The following TMEM132C variants were observed in gnomAD, a reference collection of about 807,000 sequenced individuals.
TMEM132C encodes the protein transmembrane protein 132C.
A neutral mutation model predicts 61.4 loss-of-function variants in TMEM132C; 29 were observed. The ratio of observed to expected loss-of-function variants is 0.47; its 90% CI spans 0.35 to 0.64. TMEM132C has a LOEUF of 0.64. Among genes scored for constraint, TMEM132C ranks in the 30% least tolerant of loss-of-function variants. TMEM132C has a pLI of 0.00. For missense variants in TMEM132C, 1,408 were observed against 1,476.9 expected (o/e 0.95, Z 0.76); for synonymous variants, 656 against 633.1 (o/e 1.04, Z -0.54).
At chr12:128,524,410 A>G (rs1165093796) in intron 2 of TMEM132C, among the ~76,000 whole-genome samples, 1 of 152,230 alleles carries the variant, frequency 6.6e-6, no homozygotes, top group Non-Finnish European at 1.5e-5. Flanking sequence ...GCTTTTCTGC[A>G]GAGAGCCCTT....
At chr12:128,358,507 G>GTGTGTA (rs2135969476) in intron 1 of TMEM132C, among the ~76,000 whole-genome samples, 1 of 151,884 alleles carries the variant, frequency 6.6e-6, no homozygotes, top group African/African-American at 2.4e-5. Flanking sequence ...GTGTGTGTGT[G>GTGTGTA]TGTGTGTGTG....
intron 2 of TMEM132C, among the ~76,000 whole-genome samples, chr12:128,531,806 G>T (rs981360511): frequency 2.7e-5 from 4 of 146,104 alleles, no homozygotes; most frequent in South Asian, 2.1e-4. Flanking sequence ...TCAGGAGTCT[G>T]GGTCTTAGCC....
At chr12:128,521,918 T>C (rs1872918500) in intron 2 of TMEM132C, among the ~76,000 whole-genome samples, 1 of 152,222 alleles carries the variant, frequency 6.6e-6, no homozygotes, top group African/African-American at 2.4e-5. Flanking sequence ...CCTGTACTGC[T>C]TGGCCAGGGA....
intron 2 of TMEM132C, among the ~76,000 whole-genome samples, chr12:128,467,045 G>A (rs528403178): frequency 6.6e-6 from 1 of 152,308 alleles, no homozygotes; most frequent in African/African-American, 2.4e-5. Flanking sequence ...AAGGTCAGAA[G>A]ATGTGAGGCA....
chr12:128,585,100 C>G (rs901743738), intron 3 of TMEM132C, among the ~76,000 whole-genome samples: 1 of 152,250 alleles, frequency 6.6e-6, no homozygotes, highest in African/African-American at 2.4e-5. Flanking sequence ...ACCGTCTTCA[C>G]ACTTGCAGCC....
chr12:128,622,756 T>C (rs1376058767), intron 4 of TMEM132C, among the ~76,000 whole-genome samples: 1 of 152,030 alleles, frequency 6.6e-6, no homozygotes, highest in Non-Finnish European at 1.5e-5. Flanking sequence ...GGAGATCTCC[T>C]TTGACAGGGA....
intron 1 of TMEM132C, among the ~76,000 whole-genome samples, chr12:128,384,035 C>T (rs1387438469): frequency 6.6e-6 from 1 of 152,124 alleles, no homozygotes; most frequent in Non-Finnish European, 1.5e-5. Flanking sequence ...CAAACAGCTC[C>T]ACTACCACCA....
chr12:128,418,975 C>T (rs1230105568), intron 2 of TMEM132C, among the ~76,000 whole-genome samples: 4 of 152,092 alleles, frequency 2.6e-5, no homozygotes, highest in Non-Finnish European at 5.9e-5. Context: ...CCCCTAGATA[C>T]GTTGTGTGTT....
At chr12:128,638,565 C>T (rs207473512) in intron 4 of TMEM132C, among the ~76,000 whole-genome samples, 6 of 152,238 alleles carry the variant, frequency 3.9e-5, no homozygotes, top group African/African-American at 7.2e-5. Flanking sequence ...CTTCATTTTA[C>T]GGGTGAGGGC....
At chr12:128,581,420 A>C (rs1873934644) in intron 3 of TMEM132C, among the ~76,000 whole-genome samples, 1 of 152,056 alleles carries the variant, frequency 6.6e-6, no homozygotes, top group African/African-American at 2.4e-5. Flanking sequence ...GAGGGGAAAC[A>C]CCCTTTATTG....
intron 1 of TMEM132C, among the ~76,000 whole-genome samples, chr12:128,394,235 A>C (rs561741680): frequency 6.6e-6 from 1 of 152,160 alleles, no homozygotes; most frequent in Admixed American, 6.5e-5. Context: ...CCATGCTTCA[A>C]TTATCTCCCG....
chr12:128,389,046 A>G (rs1277801221), intron 1 of TMEM132C, among the ~76,000 whole-genome samples: 1 of 146,236 alleles, frequency 6.8e-6, no homozygotes, highest in Non-Finnish European at 1.5e-5. Context: ...TGGGAGAGAC[A>G]AAGACCAGAG....
rs990179177 is a variant in TMEM132C, at chr12:128,374,067, G to A, written c.86-40665G>A. Among the ~76,000 whole-genome samples the A allele has an allele frequency of 4.6e-5, 7 of 152,294 alleles. No homozygotes were observed. The South Asian group carries it at 8.3e-4, about 18-fold the overall frequency. On this transcript the variant is annotated intron_variant, in intron 1 of 8. Coordinates refer to ENST00000435159, the MANE Select transcript of TMEM132C (RefSeq NM_001136103.3). The stretch of plus-strand genomic sequence containing the variant: ...TTGAATGGGGATAATAAGAGTCCCT[G>A]CTCCATGCTGTGTAAGACACGATGA...
chr12:128,357,718 A>G (rs1319625190), intron 1 of TMEM132C, among the ~76,000 whole-genome samples: 2 of 150,764 alleles, frequency 1.3e-5, no homozygotes, highest in African/African-American at 2.4e-5. Flanking sequence ...AAAGAAAAAG[A>G]AGGAGCCCAA....
intron 2 of TMEM132C, among the ~76,000 whole-genome samples, chr12:128,418,237 C>T (rs997455832): frequency 6.6e-6 from 1 of 152,192 alleles, no homozygotes; most frequent in African/African-American, 2.4e-5. Flanking sequence ...GTGTCTCAGG[C>T]GTGTCGGAAT....
chr12:128,590,156 G>C (rs923764685), intron 3 of TMEM132C, among the ~76,000 whole-genome samples: 2 of 152,230 alleles, frequency 1.3e-5, no homozygotes, highest in Non-Finnish European at 2.9e-5. Flanking sequence ...ACAGGCTGAA[G>C]CACACGTGTA....
At chr12:128,565,240 A>G (rs540191175) in intron 3 of TMEM132C, among the ~76,000 whole-genome samples, 8 of 152,302 alleles carry the variant, frequency 5.3e-5, no homozygotes, top group African/African-American at 1.9e-4. Flanking sequence ...CAACAACGAC[A>G]TGATCTTGGA....
chr12:128,492,052 C>T (rs1871752611), intron 2 of TMEM132C, among the ~76,000 whole-genome samples: 1 of 152,084 alleles, frequency 6.6e-6, no homozygotes, highest in Non-Finnish European at 1.5e-5. Context: ...TTCCTGTGTC[C>T]AAGCATTCTC....
intron 1 of TMEM132C, among the ~76,000 whole-genome samples, chr12:128,303,290 G>A (rs1311418883): frequency 6.6e-6 from 1 of 152,166 alleles, no homozygotes; most frequent in African/African-American, 2.4e-5. Flanking sequence ...CCAAATTTTA[G>A]TGTCTTCAGC....
Sources: gnomAD v4.1 joint callset for allele counts (sites outside exome capture counted in the v4.1 genomes callset) on GRCh38, gnomAD v4.1.1 for gene constraint, MANE v1.5 for transcripts, NCBI Gene and HGNC (gene_info 2026-07-23, HGNC 2026-07-21) for gene names.